The following FCGR3B variants were observed in gnomAD, a reference collection of about 807,000 sequenced individuals.
FCGR3B encodes the protein low affinity immunoglobulin gamma Fc region receptor III-B.
FCGR3B carries 20 observed loss-of-function variants against 26.7 expected under a neutral mutation model. The observed-to-expected ratio is 0.75, with a 90% confidence interval of 0.53 to 1.09. FCGR3B has a LOEUF of 1.09. Ranked by LOEUF, FCGR3B falls within the 50% of genes least tolerant of loss-of-function variation. The probability of loss-of-function intolerance (pLI) is 0.00; values close to 1 mark genes in which losing one functional copy is unlikely to be tolerated. For synonymous variants in FCGR3B, 79 were observed against 107.0 expected, an observed-to-expected ratio of 0.74 and a Z score of 1.62; for missense variants, 191 against 279.7, an observed-to-expected ratio of 0.68 and a Z score of 2.26.
At chr1:161,625,799 A>C (rs1197696206) in intron 4 of FCGR3B, among the ~76,000 whole-genome samples, 1 of 145,484 alleles carries the variant, frequency 6.9e-6, no homozygotes, top group African/African-American at 2.6e-5. Flanking sequence ...AAAGGCTTGG[A>C]TAAGAAGGAG....
upstream of FCGR3B, chr1:161,631,392 G>A: frequency 1.6e-6 from 1 of 610,912 alleles, no homozygotes. Context: ...GAATCTGCCA[G>A]AGTGTGCCCT....
At chr1:161,627,799 G>T (rs1465229190) in intron 3 of FCGR3B, among the ~76,000 whole-genome samples, 1 of 150,120 alleles carries the variant, frequency 6.7e-6, no homozygotes. Flanking sequence ...ACACACTGTG[G>T]ACTGGAGATA....
intron 3 of FCGR3B, among the ~76,000 whole-genome samples, chr1:161,628,468 G>C (rs1679584344): frequency 6.7e-6 from 1 of 149,638 alleles, no homozygotes; most frequent in Admixed American, 6.7e-5. Flanking sequence ...CAAGTTCAAG[G>C]CAAACTAGTA....
rs1273723335 is a variant in FCGR3B, at chr1:161,624,521, G to A, written c.696C>T (p.Asn232=). 6.2e-7 allele frequency: 1 copy of A among 1,607,006 alleles called. No individual in the cohort carries two copies. Among genetic ancestry groups the A allele is most frequent in the South Asian group, 1.1e-5 (1 of 90,348 alleles). The stretch of plus-strand genomic sequence containing the variant: ...TCCAGTCTCTTGTTGAGCTTCAAAT[G>A]TTTGTCTTCACAGAGAAATATAGTC... ...DTGLYFSVKT[N]I is the part of the protein sequence containing the mutation. Residue 232 remains asparagine (N), a synonymous_variant, in exon 5 of 5, where the codon AAC becomes AAT. Transcript: ENST00000650385.
intron 4 of FCGR3B, 134 bp from the exon 5 acceptor site, chr1:161,624,773 G>C: frequency 1.2e-6 from 1 of 832,864 alleles, no homozygotes; most frequent in South Asian, 1.8e-5. Context: ...GGGGAGGTCT[G>C]GGGGAAAGTA....
chr1:161,624,444 G>A lies in FCGR3B; in HGVS notation c.*71C>T. 2 of 1,528,684 alleles carry A rather than the reference G, an allele frequency of 1.3e-6. No individual in the cohort carries two copies. Among genetic ancestry groups the A allele is most frequent in the Non-Finnish European group, 1.8e-6 (2 of 1,117,540 alleles). The allele number at this position is 1,528,684 out of a possible 1,614,324, so 94.7% of individuals were successfully genotyped here. On this transcript the variant is annotated 3_prime_UTR_variant, in exon 5 of 5. Transcript: ENST00000650385. ...GCCACTGCTCTTATTACCCCCATGGGATGGGGGTCATGTGTCTTGAGGGTC... is the reference window on the plus strand; with the variant it reads ...GCCACTGCTCTTATTACCCCCATGGAATGGGGGTCATGTGTCTTGAGGGTC...
rs185225617 is a variant in FCGR3B, at chr1:161,627,777, T to A, written c.320-1375A>T. 6.5e-4 allele frequency among the ~76,000 whole-genome samples: 97 copies of A among 150,282 alleles called. 3 individuals carry two copies. In the East Asian group the frequency reaches 0.016, roughly 25 times the overall value. ...CTTCAAGTGATATTTCATCAAGCAC[T>A]CACTATGTATGACACACTGTGGACT... On this transcript the variant is annotated intron_variant, in intron 3 of 4. Coordinates refer to ENST00000650385, the MANE Select transcript of FCGR3B (RefSeq NM_001244753.2).
intron 3 of FCGR3B, among the ~76,000 whole-genome samples, chr1:161,629,334 T>A (rs79086930): frequency 0.65 from 6,040 of 9,298 alleles, 2,738 homozygotes; most frequent in East Asian, 1. Flanking sequence ...AGGCTGAGGC[T>A]GGAGAATCAC....
intron 3 of FCGR3B, among the ~76,000 whole-genome samples, chr1:161,628,769 A>G (rs1307524770): frequency 4.1e-5 from 6 of 146,508 alleles, no homozygotes; most frequent in East Asian, 2.0e-4. Context: ...TGGAAGTAGA[A>G]TTAGGTTTGC....
chr1:161,631,193 C>A (rs189047104), upstream of FCGR3B: 1 of 1,595,042 alleles, frequency 6.3e-7, no homozygotes. Flanking sequence ...TCCCCAGTCC[C>A]TCCACCCATC....
chr1:161,628,293 A>G (rs1679575993), intron 3 of FCGR3B, among the ~76,000 whole-genome samples: 1 of 149,746 alleles, frequency 6.7e-6, no homozygotes, highest in Admixed American at 6.7e-5. Flanking sequence ...ACAAAAACAA[A>G]CAAACAAACA....
chr1:161,625,940 C>A (rs143596860), intron 4 of FCGR3B, among the ~76,000 whole-genome samples: 61,094 of 143,274 alleles, frequency 0.43, 13,190 homozygotes, highest in Non-Finnish European at 0.5. Context: ...CTCCTAGCTA[C>A]CCCAAAAGAA....
In FCGR3B at chr1:161,626,181, C is replaced by T. The variant is rs1283915888; in HGVS notation, c.541G>A (p.Val181Met). 3 of 1,609,536 alleles carry T rather than the reference C, an allele frequency of 1.9e-6. No individual in the cohort carries two copies. Among genetic ancestry groups the T allele is most frequent in the Non-Finnish European group, 2.5e-6 (3 of 1,178,330 alleles). ...GTGATGTTCACAGTCTCTGAAGACA[C>T]ATTTTTACTCCCAACAAGCCCCCTG... is the stretch of plus-strand genomic sequence containing the variant. The part of the protein sequence containing the change: ...FCRGLVGSKN[V>M]SSETVNITIT... Residue 181 changes from valine (V) to methionine (M), a missense_variant, in exon 4 of 5, where the codon GTG becomes ATG. Physicochemically the swap from Val to Met is conservative, Grantham distance 21. Coordinates refer to ENST00000650385, the MANE Select transcript of FCGR3B (RefSeq NM_001244753.2).
chr1:161,626,620 CAT>C lies in FCGR3B; in HGVS notation c.320-220_320-219del, dbSNP rs879428248. 3.4e-5 allele frequency among the ~76,000 whole-genome samples: 5 copies of C among 148,220 alleles called. No individual in the cohort carries two copies. The Admixed American group carries it at 3.4e-4, about 10-fold the overall frequency. ...CTAATGGGGAAGAGGGACACACACA[CAT>C]GTGATCAACACACAGGGTTAGAGCA... is the stretch of plus-strand genomic sequence containing the variant. On this transcript the variant is annotated intron_variant, in intron 3 of 4. Coordinates refer to ENST00000650385, the MANE Select transcript of FCGR3B (RefSeq NM_001244753.2).
intron 3 of FCGR3B, among the ~76,000 whole-genome samples, chr1:161,626,803 T>C (rs1679485691): frequency 6.7e-6 from 1 of 150,252 alleles, no homozygotes; most frequent in South Asian, 2.1e-4. Flanking sequence ...AGTTGCTCTA[T>C]TAGAGGAAAA....
At chr1:161,624,769 G>C in intron 4 of FCGR3B, 130 bp from the exon 5 acceptor site, 1 of 918,992 alleles carries the variant, frequency 1.1e-6, no homozygotes, top group Non-Finnish European at 1.7e-6. Context: ...TGGTGGGGAG[G>C]TCTGGGGGAA....
At chr1:161,630,700 T>C (rs1254960128) in intron 1 of FCGR3B, 8 of 539,878 alleles carry the variant, frequency 1.5e-5, no homozygotes, top group Non-Finnish European at 2.3e-5. Context: ...CCTCAACCCA[T>C]ATCCCCACAA....
chr1:161,624,663 A>G (rs1463178719), intron 4 of FCGR3B, 24 bp from the exon 5 acceptor site: 6 of 1,570,676 alleles, frequency 3.8e-6, no homozygotes, highest in Non-Finnish European at 4.3e-6. Flanking sequence ...TGGAGAGATG[A>G]AAAAAAATGA....
intron 4 of FCGR3B, among the ~76,000 whole-genome samples, chr1:161,625,516 G>A (rs1209915221): frequency 1.9e-5 from 2 of 104,648 alleles, no homozygotes; most frequent in Non-Finnish European, 3.9e-5. Flanking sequence ...TACTTCATCT[G>A]TAAAATGGAA....
Sources: gnomAD v4.1 joint callset for allele counts (sites outside exome capture counted in the v4.1 genomes callset) on GRCh38, gnomAD v4.1.1 for gene constraint, MANE v1.5 for transcripts, NCBI Gene and HGNC (gene_info 2026-07-23, HGNC 2026-07-21) for gene names.